The following SRGAP3 variants were observed in gnomAD, a reference collection of about 807,000 sequenced individuals.
SRGAP3 encodes the protein SLIT-ROBO Rho GTPase activating protein 3.
In SRGAP3, 39 loss-of-function variants were observed where a neutral mutation model predicts 121.1. The ratio of observed to expected loss-of-function variants is 0.32; its 90% CI spans 0.25 to 0.42. The LOEUF is 0.42. Ranked by LOEUF, SRGAP3 falls within the 10% of genes least tolerant of loss-of-function variation. SRGAP3 has a pLI of 1.00. For synonymous variants in SRGAP3, 601 were observed against 570.0 expected, an observed-to-expected ratio of 1.05 and a Z score of -0.77; for missense variants, 1,213 against 1,470.6, an observed-to-expected ratio of 0.82 and a Z score of 2.86.
At chr3:9,089,325 G>T (rs1017196373) in intron 3 of SRGAP3, among the ~76,000 whole-genome samples, 3 of 138,292 alleles carry the variant, frequency 2.2e-5, no homozygotes, top group Non-Finnish European at 4.6e-5. Context: ...GCTCAGAATG[G>T]CTGAGCAACT....
intron 3 of SRGAP3, among the ~76,000 whole-genome samples, chr3:9,102,066 T>G (rs1479283399): frequency 6.6e-6 from 1 of 152,240 alleles, no homozygotes; most frequent in African/African-American, 2.4e-5. Flanking sequence ...ACACCTGGCC[T>G]AGAAGCCGCT....
At chr3:9,217,177 T>G (rs192795409) in intron 1 of SRGAP3, among the ~76,000 whole-genome samples, 17 of 152,322 alleles carry the variant, frequency 1.1e-4, no homozygotes, top group African/African-American at 4.1e-4. Flanking sequence ...GATGTGCTTT[T>G]CGACACAATA....
intron 1 of SRGAP3, among the ~76,000 whole-genome samples, chr3:9,197,732 A>G (rs1434892493): frequency 6.6e-6 from 1 of 152,246 alleles, no homozygotes; most frequent in Non-Finnish European, 1.5e-5. Context: ...TTTCCAAAGC[A>G]TATGCTTCAG....
At chr3:9,180,355 G>A (rs948468751) in intron 1 of SRGAP3, among the ~76,000 whole-genome samples, 5 of 152,224 alleles carry the variant, frequency 3.3e-5, no homozygotes, top group African/African-American at 1.2e-4. Context: ...ACAGCAGGGT[G>A]AGCGGGAAGC....
At chr3:9,199,738 T>C (rs900339735) in intron 1 of SRGAP3, among the ~76,000 whole-genome samples, 4 of 152,230 alleles carry the variant, frequency 2.6e-5, no homozygotes, top group Non-Finnish European at 5.9e-5. Context: ...TCGTATTCTC[T>C]AACTCAAAGC....
intron 1 of SRGAP3, among the ~76,000 whole-genome samples, chr3:9,150,653 A>AG (rs1950181749): frequency 6.6e-6 from 1 of 152,178 alleles, no homozygotes; most frequent in African/African-American, 2.4e-5. Flanking sequence ...ACAGGGACTG[A>AG]GACAGGAATT....
chr3:9,079,999 C>T (rs760234978), intron 4 of SRGAP3, 26 bp downstream of exon 4: 1 of 1,613,834 alleles, frequency 6.2e-7, no homozygotes, highest in Non-Finnish European at 8.5e-7. Context: ...AATCCCAAAA[C>T]AGCAGTGAGC....
chr3:9,062,251 G>A (rs1946210250), intron 5 of SRGAP3, among the ~76,000 whole-genome samples: 1 of 152,108 alleles, frequency 6.6e-6, no homozygotes, highest in Non-Finnish European at 1.5e-5. Context: ...GAGGAAATGA[G>A]AACTGGAGAG....
intron 1 of SRGAP3, among the ~76,000 whole-genome samples, chr3:9,331,391 T>A (rs188739856): frequency 1.6e-3 from 251 of 152,284 alleles, no homozygotes; most frequent in Middle Eastern, 3.4e-3. Flanking sequence ...GACTTTGGAA[T>A]GCAATTACAT....
At chr3:8,993,650 G>A (rs974213720) in intron 19 of SRGAP3, among the ~76,000 whole-genome samples, 4 of 152,162 alleles carry the variant, frequency 2.6e-5, no homozygotes, top group Admixed American at 2.6e-4. Flanking sequence ...CATTCCTCTG[G>A]CAGTCTGCTT....
At chr3:9,194,135 G>A (rs1951849640) in intron 1 of SRGAP3, 1 of 152,268 alleles carries the variant, frequency 6.6e-6, no homozygotes. Context: ...AGAATAGGTG[G>A]AAGGGGAGAT....
At chr3:9,123,967 G>A (rs1042297783) in intron 2 of SRGAP3, among the ~76,000 whole-genome samples, 1 of 151,932 alleles carries the variant, frequency 6.6e-6, no homozygotes, top group Non-Finnish European at 1.5e-5. Context: ...AGTGCTGGCC[G>A]GGGGACCTGC....
intron 1 of SRGAP3, among the ~76,000 whole-genome samples, chr3:9,152,736 C>T (rs1041281694): frequency 1.3e-5 from 2 of 152,232 alleles, no homozygotes; most frequent in Non-Finnish European, 1.5e-5. Flanking sequence ...GATTCCCCTT[C>T]AGGAAGGAAG....
intron 1 of SRGAP3, among the ~76,000 whole-genome samples, chr3:9,205,194 GCCACA>G (rs967242361): frequency 6.6e-6 from 1 of 152,078 alleles, no homozygotes; most frequent in African/African-American, 2.4e-5. Context: ...TTTCCTAGTA[GCCACA>G]CTAAAAAATT....
intron 18 of SRGAP3, among the ~76,000 whole-genome samples, chr3:8,996,742 G>A (rs757547926): frequency 6.6e-5 from 10 of 152,338 alleles, no homozygotes; most frequent in East Asian, 5.8e-4. Context: ...TGCCTGCCTC[G>A]TTACAAGAGT....
chr3:9,178,006 A>G (rs1441419822), intron 1 of SRGAP3, among the ~76,000 whole-genome samples: 1 of 152,110 alleles, frequency 6.6e-6, no homozygotes, highest in African/African-American at 2.4e-5. Flanking sequence ...GGTGGCTCAC[A>G]CCTGTAATCC....
At chr3:9,236,588 C>A (rs10470710) in intron 1 of SRGAP3, among the ~76,000 whole-genome samples, 1 of 151,894 alleles carries the variant, frequency 6.6e-6, no homozygotes, top group Non-Finnish European at 1.5e-5. Context: ...TTCCCCCCCC[C>A]TCTTCTTCCT....
At chr3:9,085,713 G>C (rs1403410394) in intron 3 of SRGAP3, among the ~76,000 whole-genome samples, 1 of 152,134 alleles carries the variant, frequency 6.6e-6, no homozygotes, top group Non-Finnish European at 1.5e-5. Context: ...CACAGTAACA[G>C]AAAACCAAAT....
intron 3 of SRGAP3, among the ~76,000 whole-genome samples, chr3:9,098,527 A>C (rs1175674632): frequency 2.0e-5 from 3 of 152,128 alleles, no homozygotes; most frequent in African/African-American, 7.2e-5. Flanking sequence ...AACCTCCCAA[A>C]GTGCTGGGAT....
Sources: gnomAD v4.1 joint callset for allele counts (sites outside exome capture counted in the v4.1 genomes callset) on GRCh38, gnomAD v4.1.1 for gene constraint, MANE v1.5 for transcripts, NCBI Gene and HGNC (gene_info 2026-07-23, HGNC 2026-07-21) for gene names.